SLC25A48: variants seen among roughly 807,000 people sequenced by gnomAD.
The protein encoded by SLC25A48 is CTC-321K16.1.
SLC25A48 carries 29 observed loss-of-function variants against 32.2 expected under a neutral mutation model. The ratio of observed to expected loss-of-function variants is 0.90; its 90% CI spans 0.67 to 1.23. The LOEUF is 1.23. Among genes scored for constraint, SLC25A48 ranks in the 50% most tolerant of loss-of-function variants. The pLI is 0.00. For synonymous variants in SLC25A48, 164 were observed against 172.3 expected, an observed-to-expected ratio of 0.95 and a Z score of 0.38; for missense variants, 399 against 422.7, an observed-to-expected ratio of 0.94 and a Z score of 0.49.
intron 3 of SLC25A48, among the ~76,000 whole-genome samples, chr5:135,775,377 A>C (rs1371254002): frequency 1.3e-5 from 2 of 151,536 alleles, no homozygotes; most frequent in Admixed American, 6.6e-5. Flanking sequence ...TTCTAATATC[A>C]AGTGGGGGAG....
At chr5:135,874,884 T>C (rs1761933796) in intron 6 of SLC25A48, 1 of 488,374 alleles carries the variant, frequency 2.0e-6, no homozygotes, top group Non-Finnish European at 3.6e-6. Flanking sequence ...TTTCTTGGTG[T>C]GGCTCTTAGA....
At chr5:135,850,663 G>T (rs956801529) in intron 3 of SLC25A48, among the ~76,000 whole-genome samples, 167 bp downstream of exon 3, 3 of 152,188 alleles carry the variant, frequency 2.0e-5, no homozygotes, top group African/African-American at 7.2e-5. Context: ...AATATTATGT[G>T]TTACCTAAAC....
rs1762817859 is a variant in SLC25A48 at position 135,888,609 on chromosome 5, T to C, written c.*585T>C. On this transcript the variant is annotated 3_prime_UTR_variant, in exon 8 of 8. Transcript: ENST00000681962. ...ATCACATCCTCAGGTCTGCAGCAAA[T>C]AAATGAAAGTTTCTTTATTTTTTAT... The C allele has an allele frequency of 6.5e-6, 1 of 152,790 alleles. No individual in the cohort carries two copies. The highest frequency in any genetic ancestry group is 2.4e-5 in the African/African-American group (1 of 41,604). 9.5% of individuals were successfully genotyped at this position (152,790 alleles called of 1,614,324 possible).
At chr5:135,720,862 G>A (rs1351958327) in intron 3 of SLC25A48, among the ~76,000 whole-genome samples, 1 of 152,102 alleles carries the variant, frequency 6.6e-6, no homozygotes, top group Non-Finnish European at 1.5e-5. Context: ...GGTGGTGGAA[G>A]TCTCTGGCTG....
In SLC25A48 at chr5:135,871,574, C is replaced by A; in HGVS notation, c.535C>A (p.Arg179=). ...VRNEGLAGLY[R]GASAMLLRDV... is the part of the protein sequence containing the mutation. ...GAATGAGGGCCTGGCGGGGCTATAC[C>A]GGGGGGCCAGTGCCATGCTGCTGAG... Residue 179 remains arginine (R), a synonymous_variant, in exon 5 of 8, where the codon CGG becomes AGG. Transcript: ENST00000681962. The A allele has an allele frequency of 6.2e-7, 1 of 1,614,156 alleles. No homozygotes were observed. Among genetic ancestry groups the A allele is most frequent in the Non-Finnish European group, 8.5e-7 (1 of 1,180,014 alleles).
At chr5:135,604,850 G>A (rs1392378998) in intron 1 of SLC25A48, among the ~76,000 whole-genome samples, 2 of 152,160 alleles carry the variant, frequency 1.3e-5, no homozygotes, top group Non-Finnish European at 2.9e-5. Flanking sequence ...ACTGCCAGGC[G>A]TGAACTCCAG....
intron 3 of SLC25A48, among the ~76,000 whole-genome samples, chr5:135,746,999 T>TA: frequency 6.6e-6 from 1 of 150,688 alleles, no homozygotes; most frequent in Non-Finnish European, 1.5e-5. Context: ...TTTTTGTTGT[T>TA]GTTTTTTTTT....
intron 3 of SLC25A48, among the ~76,000 whole-genome samples, chr5:135,754,641 A>G (rs1755851629): frequency 6.6e-6 from 1 of 151,968 alleles, no homozygotes; most frequent in Non-Finnish European, 1.5e-5. Flanking sequence ...TCACTCTGAT[A>G]TTTATAATAT....
At chr5:135,827,504 A>G (rs1758093427) in intron 4 of SLC25A48, 1 of 152,220 alleles carries the variant, frequency 6.6e-6, no homozygotes, top group Non-Finnish European at 1.5e-5. Context: ...GATTTGGAGT[A>G]TGATGGGAGT....
chr5:135,770,087 G>GC (rs1283159480), intron 3 of SLC25A48, among the ~76,000 whole-genome samples: 2 of 151,388 alleles, frequency 1.3e-5, no homozygotes, highest in Non-Finnish European at 3.0e-5. Context: ...CTAATAGCCG[G>GC]GGGGGAGACA....
At chr5:135,763,574 A>T (rs1756117805) in intron 3 of SLC25A48, among the ~76,000 whole-genome samples, 1 of 152,126 alleles carries the variant, frequency 6.6e-6, no homozygotes, top group East Asian at 1.9e-4. Flanking sequence ...TCCCTCGAGG[A>T]GGGGAAGAAA....
At chr5:135,772,691 T>C (rs1382890220) in intron 3 of SLC25A48, among the ~76,000 whole-genome samples, 2 of 151,450 alleles carry the variant, frequency 1.3e-5, no homozygotes, top group African/African-American at 4.8e-5. Flanking sequence ...TGTAATATTG[T>C]TTGTAATATT....
chr5:135,776,751 T>A (rs1756573445), intron 3 of SLC25A48, among the ~76,000 whole-genome samples: 2 of 151,822 alleles, frequency 1.3e-5, no homozygotes, highest in Non-Finnish European at 2.9e-5. Context: ...AAGAAAATGA[T>A]ATTACTCCCA....
intron 3 of SLC25A48, among the ~76,000 whole-genome samples, chr5:135,717,867 A>G (rs953378279): frequency 6.6e-6 from 1 of 152,204 alleles, no homozygotes; most frequent in Non-Finnish European, 1.5e-5. Flanking sequence ...GCTGCAGCAG[A>G]TCTAAGAAAT....
chr5:135,673,317 A>G (rs1753698057), intron 3 of SLC25A48, among the ~76,000 whole-genome samples: 1 of 152,192 alleles, frequency 6.6e-6, no homozygotes, highest in Non-Finnish European at 1.5e-5. Flanking sequence ...CTGTTGTCCA[A>G]AGTGACTATG....
chr5:135,709,605 G>A (rs761138707), intron 3 of SLC25A48, among the ~76,000 whole-genome samples: 24 of 152,328 alleles, frequency 1.6e-4, no homozygotes, highest in African/African-American at 4.1e-4. Context: ...GCACTGCTAC[G>A]ACAAGAAGCA....
At chr5:135,796,017 G>GC (rs1049130154) in intron 3 of SLC25A48, among the ~76,000 whole-genome samples, 1 of 126,780 alleles carries the variant, frequency 7.9e-6, no homozygotes, top group African/African-American at 2.7e-5. Context: ...CGAGGGGGGG[G>GC]TGGGTGTAAC....
chr5:135,762,924 A>G (rs1756098727), intron 3 of SLC25A48, among the ~76,000 whole-genome samples: 1 of 151,928 alleles, frequency 6.6e-6, no homozygotes, highest in African/African-American at 2.4e-5. Flanking sequence ...GTGGCTGAGT[A>G]TGGGTGTGAG....
chr5:135,861,165 A>T (rs1760751381), intron 4 of SLC25A48, among the ~76,000 whole-genome samples: 1 of 152,246 alleles, frequency 6.6e-6, no homozygotes, highest in Non-Finnish European at 1.5e-5. Context: ...AGAAGCTGTG[A>T]TCATGCTATA....
Sources: gnomAD v4.1 joint callset for allele counts (sites outside exome capture counted in the v4.1 genomes callset) on GRCh38, gnomAD v4.1.1 for gene constraint, MANE v1.5 for transcripts, NCBI Gene and HGNC (gene_info 2026-07-23, HGNC 2026-07-21) for gene names.